Variants in ZNF75D observed in about 807,000 individuals in gnomAD.
ZNF75D encodes zinc finger protein 75.
ZNF75D carries 33 observed loss-of-function variants against 33.3 expected under a neutral mutation model. The ratio of observed to expected loss-of-function variants is 0.99; its 90% CI spans 0.75 to 1.32. The LOEUF (loss-of-function observed/expected upper bound fraction) is 1.32. Ranked by LOEUF, ZNF75D falls within the 40% of genes most tolerant of loss-of-function variation. The pLI, the probability that ZNF75D is intolerant of heterozygous loss-of-function variation, is 0.00. For synonymous variants in ZNF75D, 113 were observed against 130.6 expected (o/e 0.87, Z 0.92); for missense variants, 338 against 367.5 (o/e 0.92, Z 0.66).
rs782342736 is a variant in ZNF75D at position 135,333,372 on chromosome X, G to A, written c.-391+8396C>T. ...CCCCACTAGTCAGAGGGCAAGGAAG[G>A]CCAGGTGATATAGCCTTTATGTGTC... On this transcript the variant is annotated intron_variant, in intron 1 of 6. Coordinates refer to ENST00000370766, the MANE Select transcript of ZNF75D (RefSeq NM_007131.5). Among the ~76,000 whole-genome samples the A allele has an allele frequency of 4.5e-5, 5 of 111,951 alleles. No homozygotes were observed. The South Asian group carries it at 1.1e-3, about 25-fold the overall frequency.
chrX:135,323,843 G>A (rs12850355), intron 1 of ZNF75D, among the ~76,000 whole-genome samples: 1 of 111,827 alleles, frequency 8.9e-6, no homozygotes, highest in South Asian at 3.8e-4. Context: ...AGCTCAAAGA[G>A]CAAGCTTTCT....
At chrX:135,292,956 A>C (rs1556421677) in intron 3 of ZNF75D, among the ~76,000 whole-genome samples, 1 of 112,790 alleles carries the variant, frequency 8.9e-6, no homozygotes, top group African/African-American at 3.2e-5. Flanking sequence ...ATGGAAGAAT[A>C]AATGGGGAGA....
intron 6 of ZNF75D, among the ~76,000 whole-genome samples, chrX:135,289,459 T>C (rs1486129765): frequency 5.4e-5 from 6 of 111,243 alleles, no homozygotes; most frequent in Middle Eastern, 4.6e-3. Context: ...CCAACAAAAA[T>C]ACAAAAATTA....
intron 1 of ZNF75D, among the ~76,000 whole-genome samples, chrX:135,322,280 C>A (rs1184687244): frequency 3.6e-5 from 4 of 112,083 alleles, no homozygotes; most frequent in African/African-American, 1.3e-4. Flanking sequence ...CTGACACTCA[C>A]AATGTTAATA....
intron 1 of ZNF75D, among the ~76,000 whole-genome samples, chrX:135,258,412 A>G (rs987114953): frequency 6.3e-5 from 7 of 110,714 alleles, no homozygotes; most frequent in Admixed American, 5.8e-4. Context: ...ACTCCCATCA[A>G]CGTGTAAAAG....
At chrX:135,325,395 GC>G (rs2084550540) in intron 1 of ZNF75D, among the ~76,000 whole-genome samples, 2 of 110,993 alleles carry the variant, frequency 1.8e-5, no homozygotes, top group Admixed American at 9.3e-5. Context: ...CACTGTGGGA[GC>G]CCCTTTCTGG....
chrX:135,331,638 G>C (rs1317813849), intron 1 of ZNF75D, among the ~76,000 whole-genome samples: 1 of 111,125 alleles, frequency 9.0e-6, no homozygotes, highest in Non-Finnish European at 1.9e-5. Flanking sequence ...CCTTTCCTGT[G>C]AGCTGCAAAA....
chrX:135,296,617 G>A (rs376974017), intron 1 of ZNF75D, among the ~76,000 whole-genome samples: 62 of 112,279 alleles, frequency 5.5e-4, no homozygotes, highest in Middle Eastern at 4.6e-3. Flanking sequence ...CAAGCCTCTC[G>A]CTAGATCAGA....
chrX:135,273,404 C>T (rs1318158265), intron 1 of ZNF75D, among the ~76,000 whole-genome samples: 6 of 111,614 alleles, frequency 5.4e-5, no homozygotes, highest in Non-Finnish European at 1.1e-4. Flanking sequence ...CTAAATTCTT[C>T]CCTAATCCTA....
rs1407246524 is a variant in ZNF75D at position 135,295,916 on chromosome X, G to A, written c.-267C>T. 5.4e-5 allele frequency: 6 copies of A among 111,280 alleles called. No individual in the cohort carries two copies. Among genetic ancestry groups the A allele is most frequent in the Non-Finnish European group, 9.4e-5 (5 of 53,032 alleles). 9.2% of individuals were successfully genotyped at this position (111,280 alleles called of 1,213,427 possible). A position where few individuals can be genotyped will look rare whatever the true frequency, so the allele number is the denominator to read the frequency against. On this transcript the variant is annotated 5_prime_UTR_variant, in exon 2 of 7. Transcript: ENST00000370766. ...AGGGGAAGCGACGTCAGGAAAGCGC[G>A]GGATGCCTGGCGAGTGAAGCTCCAA...
chrX:135,305,098 T>A (rs2084267818), intron 1 of ZNF75D, among the ~76,000 whole-genome samples: 1 of 112,001 alleles, frequency 8.9e-6, no homozygotes, highest in Non-Finnish European at 1.9e-5. Context: ...GGGATGAATG[T>A]CAGGTGTGGG....
At chrX:135,295,261 T>G (rs1403424252) in intron 2 of ZNF75D, among the ~76,000 whole-genome samples, 2 of 112,019 alleles carry the variant, frequency 1.8e-5, no homozygotes, top group East Asian at 5.6e-4. Context: ...CTTCTTACAT[T>G]TTTTTGTCAG....
Position 135,287,117 on chromosome X carries a change from G to T in ZNF75D, c.*20C>A, listed in dbSNP as rs2083963797. 1 of 1,151,778 alleles carries T rather than the reference G, an allele frequency of 8.7e-7. No individual in the cohort carries two copies. The highest frequency in any genetic ancestry group is 1.2e-6 in the Non-Finnish European group (1 of 855,838). 94.9% of individuals were successfully genotyped at this position (1,151,778 alleles called of 1,213,427 possible). ...ATTCTTTCACCACTTCTAAAGTCAA[G>T]CTCTACATGGTAACTTTCCTCAGTT... is the stretch of plus-strand genomic sequence containing the variant. On this transcript the variant is annotated 3_prime_UTR_variant, in exon 7 of 7. Coordinates refer to ENST00000370766, the MANE Select transcript of ZNF75D (RefSeq NM_007131.5).
intron 1 of ZNF75D, among the ~76,000 whole-genome samples, chrX:135,302,110 G>A (rs782122630): frequency 4.5e-5 from 5 of 112,273 alleles, no homozygotes; most frequent in Admixed American, 9.4e-5. Context: ...TGGAGTGGCT[G>A]GGAGCTATGA....
In ZNF75D at chrX:135,309,829, G is replaced by C. The variant is rs372326501; in HGVS notation, c.-390-13790C>G. ...ACTCCTTTGGGTTGGATGTGTGTTT[G>C]CTGACAGGGCTTACTTGGGTTACAC... On this transcript the variant is annotated intron_variant, in intron 1 of 6. Coordinates refer to ENST00000370766, the MANE Select transcript of ZNF75D (RefSeq NM_007131.5). Among the ~76,000 whole-genome samples the C allele has an allele frequency of 5.4e-5, 6 of 111,932 alleles. No individual in the cohort carries two copies. The East Asian group carries it at 8.5e-4, about 16-fold the overall frequency.
intron 1 of ZNF75D, among the ~76,000 whole-genome samples, chrX:135,329,852 T>C (rs1024506409): frequency 8.0e-5 from 9 of 112,465 alleles, no homozygotes; most frequent in Non-Finnish European, 1.5e-4. Context: ...CATTTTTATA[T>C]GTTTCCTGTT....
intron 1 of ZNF75D, among the ~76,000 whole-genome samples, chrX:135,261,594 T>C (rs113573083): frequency 2.7e-5 from 3 of 111,933 alleles, no homozygotes; most frequent in African/African-American, 9.7e-5. Context: ...TTAAAGTCTG[T>C]TTTATCAGAG....
At chrX:135,260,312 A>G (rs1242966664) in intron 1 of ZNF75D, among the ~76,000 whole-genome samples, 1 of 112,276 alleles carries the variant, frequency 8.9e-6, no homozygotes, top group Non-Finnish European at 1.9e-5. Flanking sequence ...GCCTCATAAA[A>G]TGAGTTAGGG....
intron 1 of ZNF75D, among the ~76,000 whole-genome samples, chrX:135,331,495 A>T (rs1350685196): frequency 9.1e-6 from 1 of 110,401 alleles, no homozygotes; most frequent in African/African-American, 3.3e-5. Flanking sequence ...TGAGAGCTCA[A>T]GCTGAAGAGG....
Sources: allele counts gnomAD v4.1 joint callset (sites outside exome capture counted in the v4.1 genomes callset), GRCh38; gene constraint gnomAD v4.1.1; transcripts MANE v1.5; gene names NCBI Gene and HGNC (gene_info 2026-07-23, HGNC 2026-07-21).